Variants in CNTNAP4 observed in about 807,000 individuals in gnomAD.
CNTNAP4 encodes contactin-associated protein-like 4.
A neutral mutation model predicts 148.4 loss-of-function variants in CNTNAP4; 98 were observed. The observed-to-expected ratio is 0.66, with a 90% CI of 0.56 to 0.78. The LOEUF (loss-of-function observed/expected upper bound fraction) is 0.78. Among genes scored for constraint, CNTNAP4 ranks in the 30% least tolerant of loss-of-function variants. The pLI is 0.00. For missense variants in CNTNAP4, 1,935 were observed against 1,565.6 expected (o/e 1.24, Z -3.98); for synonymous variants, 730 against 565.1 (o/e 1.29, Z -4.14).
chr16:76,349,298 T>G (rs892057244), intron 2 of CNTNAP4, among the ~76,000 whole-genome samples: 5 of 152,102 alleles, frequency 3.3e-5, no homozygotes, highest in Non-Finnish European at 7.3e-5. Flanking sequence ...CTGAAATTGC[T>G]CCATGGTCAT....
chr16:76,494,927 T>G lies in CNTNAP4; in HGVS notation c.2098T>G (p.Trp700Gly). ...VNKQDGTPLS[W>G]WVGRTNETQT... ...TCTTTCAGATGGAACCCCTCTGAGT[T>G]GGTGGGTAGGAAGAACCAATGAAAC... Residue 700 changes from tryptophan to glycine, a missense_variant, in exon 14 of 24, where the codon TGG becomes GGG. Coordinates refer to ENST00000611870, the MANE Select transcript of CNTNAP4 (RefSeq NM_033401.5). 1 of 1,613,404 alleles carries G rather than the reference T, an allele frequency of 6.2e-7. No individual in the cohort carries two copies. The highest frequency in any genetic ancestry group is 1.1e-5 in the South Asian group (1 of 91,038).
At chr16:76,433,896 G>C (rs1419781111) in intron 4 of CNTNAP4, among the ~76,000 whole-genome samples, 4 of 151,954 alleles carry the variant, frequency 2.6e-5, no homozygotes, top group African/African-American at 9.7e-5. Flanking sequence ...AAAGAAGATA[G>C]ACTCTGATTG....
At chr16:76,392,690 A>T (rs982603174) in intron 3 of CNTNAP4, among the ~76,000 whole-genome samples, 2 of 152,202 alleles carry the variant, frequency 1.3e-5, no homozygotes, top group Non-Finnish European at 2.9e-5. Flanking sequence ...CAAAGAAAAC[A>T]TAATTTTTTC....
At chr16:76,507,363 A>T (rs533174956) in intron 15 of CNTNAP4, among the ~76,000 whole-genome samples, 1 of 97,150 alleles carries the variant, frequency 1.0e-5, no homozygotes, top group Admixed American at 1.0e-4. Flanking sequence ...CCCACCTCCT[A>T]CTGGCCTCCC....
At chr16:76,361,993 T>C (rs1317211001) in intron 3 of CNTNAP4, among the ~76,000 whole-genome samples, 1 of 152,110 alleles carries the variant, frequency 6.6e-6, no homozygotes, top group African/African-American at 2.4e-5. Flanking sequence ...GTCTGCTCAA[T>C]GCTTTTGCTC....
intron 4 of CNTNAP4, 55 bp from the exon 5 acceptor site, chr16:76,447,957 A>C: frequency 1.5e-6 from 2 of 1,316,360 alleles, no homozygotes; most frequent in Non-Finnish European, 2.2e-6. Context: ...ATTTAAAATG[A>C]TTTAATGGAA....
chr16:76,337,571 C>G (rs1964123777), intron 2 of CNTNAP4, among the ~76,000 whole-genome samples: 1 of 152,116 alleles, frequency 6.6e-6, no homozygotes, highest in Non-Finnish European at 1.5e-5. Flanking sequence ...TGATGAGGTT[C>G]CATGTCCCAC....
rs1276079866 is a variant in CNTNAP4, at chr16:76,448,931, C to G, written c.907C>G (p.Leu303Val). 1 of 1,613,306 alleles carries G rather than the reference C, an allele frequency of 6.2e-7. No individual in the cohort carries two copies. The change falls in exon 6 of 24, where the codon CTC (leucine) becomes GTC (valine). Residue 303 changes from leucine to valine, a missense_variant. Leu to Val is a conservative substitution (Grantham distance 32). Transcript: ENST00000611870. ...TTTCCATGCACGGGGAGAATTCAAT[C>G]TCATGAATCTTGATTATGAGGTGTG... ...HHFHARGEFNLMNLDYEISFG... is the reference protein window; with the variant it reads ...HHFHARGEFNVMNLDYEISFG...
intron 1 of CNTNAP4, among the ~76,000 whole-genome samples, chr16:76,296,730 A>G (rs1035094728): frequency 5.3e-5 from 8 of 152,166 alleles, no homozygotes; most frequent in African/African-American, 1.4e-4. Context: ...TTCCACATCA[A>G]TTTGAATCCA....
Position 76,558,653 on chromosome 16 carries a change from C to A in CNTNAP4, c.3897C>A (p.Val1299=). The change falls in exon 24 of 24, where the codon GTC becomes GTA. Residue 1299 remains valine (V), a synonymous_variant. Coordinates refer to ENST00000611870, the MANE Select transcript of CNTNAP4 (RefSeq NM_033401.5). ...LKSELNIQNA[V]NENQKEYFF is the part of the protein sequence containing the mutation. The stretch of plus-strand genomic sequence containing the variant: ...GTGAGCTTAATATACAAAATGCAGT[C>A]AATGAAAATCAGAAAGAGTACTTCT... 6.2e-7 allele frequency: 1 copy of A among 1,609,228 alleles called. No individual in the cohort carries two copies. The highest frequency in any genetic ancestry group is 1.1e-5 in the South Asian group (1 of 89,816).
intron 8 of CNTNAP4, among the ~76,000 whole-genome samples, chr16:76,459,372 C>T: frequency 6.6e-6 from 1 of 152,206 alleles, no homozygotes; most frequent in East Asian, 1.9e-4. Flanking sequence ...ATCTAACCTA[C>T]ATTCTTCCCA....
chr16:76,464,656 G>A (rs1202905311), intron 9 of CNTNAP4, among the ~76,000 whole-genome samples: 1 of 151,924 alleles, frequency 6.6e-6, no homozygotes, highest in Non-Finnish European at 1.5e-5. Flanking sequence ...ATTTTATCTG[G>A]GCTGTTCCAA....
intron 3 of CNTNAP4, among the ~76,000 whole-genome samples, chr16:76,397,950 A>G (rs1247612061): frequency 0.021 from 82 of 3,916 alleles, 4 homozygotes; most frequent in African/African-American, 0.024. Context: ...ATATACATAT[A>G]TATATATATA....
intron 1 of CNTNAP4, among the ~76,000 whole-genome samples, chr16:76,289,198 A>G (rs892012976): frequency 5.9e-5 from 9 of 152,202 alleles, no homozygotes; most frequent in African/African-American, 2.2e-4. Flanking sequence ...AGCATCAGCT[A>G]CTTCCAATCC....
At chr16:76,486,329 A>G (rs1050083293) in intron 12 of CNTNAP4, among the ~76,000 whole-genome samples, 2 of 152,236 alleles carry the variant, frequency 1.3e-5, no homozygotes, top group Non-Finnish European at 2.9e-5. Flanking sequence ...TGCATTATTA[A>G]TGAAGAAATT....
chr16:76,372,278 T>C (rs1471960931), intron 3 of CNTNAP4, among the ~76,000 whole-genome samples: 1 of 151,348 alleles, frequency 6.6e-6, no homozygotes, highest in Non-Finnish European at 1.5e-5. Flanking sequence ...TACCTGGGAC[T>C]ACAGGCGCCC....
At chr16:76,408,751 A>AT (rs559307483) in intron 3 of CNTNAP4, among the ~76,000 whole-genome samples, 27 of 152,074 alleles carry the variant, frequency 1.8e-4, no homozygotes, top group East Asian at 9.7e-4. Context: ...TATTATTACT[A>AT]TTTTTTTAAC....
chr16:76,373,263 TATATGTGAAATATA>T (rs2015049720), intron 3 of CNTNAP4, among the ~76,000 whole-genome samples: 3 of 58,772 alleles, frequency 5.1e-5, no homozygotes, highest in African/African-American at 2.2e-4. Flanking sequence ...ATTCCACATA[TATATGTGAAATATA>T]TTCCACATAA....
At chr16:76,479,396 A>G in intron 11 of CNTNAP4, 23 bp from the exon 12 acceptor site, 1 of 1,559,866 alleles carries the variant, frequency 6.4e-7, no homozygotes, top group Non-Finnish European at 8.7e-7. Flanking sequence ...CTATTCCATT[A>G]ATGATGATTT....
Sources: gnomAD v4.1 joint callset for allele counts (sites outside exome capture counted in the v4.1 genomes callset) on GRCh38, gnomAD v4.1.1 for gene constraint, MANE v1.5 for transcripts, NCBI Gene and HGNC (gene_info 2026-07-23, HGNC 2026-07-21) for gene names.